Variants in ZNF618 observed in about 807,000 individuals in gnomAD.
ZNF618 encodes zinc finger protein 618.
ZNF618 carries 34 observed loss-of-function variants against 103.0 expected under a neutral mutation model. That is an observed-to-expected ratio of 0.33 (90% CI 0.25 to 0.44). The LOEUF is 0.44. Among genes scored for constraint, ZNF618 ranks in the 20% least tolerant of loss-of-function variants. The probability of loss-of-function intolerance (pLI) is 1.00; values close to 1 mark genes in which losing one functional copy is unlikely to be tolerated. For synonymous variants in ZNF618, 551 were observed against 542.2 expected, an observed-to-expected ratio of 1.02 and a Z score of -0.23; for missense variants, 1,059 against 1,295.4, an observed-to-expected ratio of 0.82 and a Z score of 2.80.
chr9:113,929,521 A>G (rs1240330395), intron 1 of ZNF618, among the ~76,000 whole-genome samples: 3 of 152,152 alleles, frequency 2.0e-5, no homozygotes, highest in Non-Finnish European at 2.9e-5. Context: ...ATGTTCTCCT[A>G]TTTCAAAACT....
intron 3 of ZNF618, among the ~76,000 whole-genome samples, chr9:113,997,821 G>T (rs936911423): frequency 6.6e-6 from 1 of 152,198 alleles, no homozygotes; most frequent in Non-Finnish European, 1.5e-5. Context: ...GGAGCCAGGC[G>T]TCGGGGCTGA....
chr9:113,985,553 T>C (rs1007641643), intron 2 of ZNF618, among the ~76,000 whole-genome samples: 3 of 152,234 alleles, frequency 2.0e-5, no homozygotes, highest in African/African-American at 7.2e-5. Flanking sequence ...GCTCATGATA[T>C]TATCCCCCAC....
chr9:114,009,717 G>A (rs950239353), intron 9 of ZNF618, among the ~76,000 whole-genome samples: 4 of 152,128 alleles, frequency 2.6e-5, no homozygotes, highest in Non-Finnish European at 5.9e-5. Flanking sequence ...ACAAGCAGAT[G>A]AGGATATCTG....
At chr9:114,012,023 A>T (rs934708269) in intron 9 of ZNF618, among the ~76,000 whole-genome samples, 10 of 127,088 alleles carry the variant, frequency 7.9e-5, no homozygotes, top group African/African-American at 2.5e-4. Context: ...TTGAATAGTT[A>T]AAAAAAAAAA....
At chr9:113,877,353 G>T (rs1587899354) in intron 1 of ZNF618, among the ~76,000 whole-genome samples, 1 of 152,242 alleles carries the variant, frequency 6.6e-6, no homozygotes, top group Non-Finnish European at 1.5e-5. Context: ...GCTTTATGAA[G>T]CAATTAGAAA....
chr9:113,988,301 C>A lies in ZNF618; in HGVS notation c.78-20C>A. 6.2e-7 allele frequency: 1 copy of A among 1,602,950 alleles called. No homozygotes were observed. The highest frequency in any genetic ancestry group is 8.5e-7 in the Non-Finnish European group (1 of 1,175,512). On this transcript the variant is annotated intron_variant, in intron 2 of 14. Coordinates refer to ENST00000374126, the MANE Select transcript of ZNF618 (RefSeq NM_001318042.2). The stretch of plus-strand genomic sequence containing the variant: ...TGATCTGGAGGAAGAAGGTATTGAA[C>A]GGAGTTTCTTCTTTCCCAGGGAGCG...
At chr9:113,930,438 G>C (rs1397381493) in intron 1 of ZNF618, among the ~76,000 whole-genome samples, 2 of 152,062 alleles carry the variant, frequency 1.3e-5, no homozygotes, top group Non-Finnish European at 2.9e-5. Context: ...AACTTCATAG[G>C]TTTAGGGGGC....
intron 10 of ZNF618, among the ~76,000 whole-genome samples, chr9:114,022,429 C>T (rs188758959): frequency 6.6e-6 from 1 of 151,982 alleles, no homozygotes; most frequent in Admixed American, 6.6e-5. Context: ...GAAATATATT[C>T]CATTTCCAAA....
At chr9:113,938,614 G>A (rs1283628549) in intron 1 of ZNF618, among the ~76,000 whole-genome samples, 1 of 148,406 alleles carries the variant, frequency 6.7e-6, no homozygotes, top group East Asian at 2.0e-4. Context: ...TATCGTCCAG[G>A]CTAGGGTGCA....
chr9:114,008,243 TA>T, intron 7 of ZNF618, 100 bp from the exon 8 acceptor site: 1 of 1,520,992 alleles, frequency 6.6e-7, no homozygotes, highest in Non-Finnish European at 8.9e-7. Context: ...CCCATGGGGA[TA>T]GGGGCTGGGA....
intron 1 of ZNF618, among the ~76,000 whole-genome samples, chr9:113,891,327 A>C (rs930989268): frequency 6.6e-6 from 1 of 152,262 alleles, no homozygotes; most frequent in Non-Finnish European, 1.5e-5. Flanking sequence ...CCATTAAAAA[A>C]TGGGCGAAGA....
intron 11 of ZNF618, among the ~76,000 whole-genome samples, chr9:114,030,195 G>A (rs180902019): frequency 1.9e-4 from 29 of 152,334 alleles, no homozygotes; most frequent in African/African-American, 7.0e-4. Context: ...GGGCAAGGGC[G>A]TGATTCTTCG....
intron 1 of ZNF618, among the ~76,000 whole-genome samples, chr9:113,923,728 T>C (rs571524772): frequency 8.1e-4 from 124 of 152,240 alleles, no homozygotes; most frequent in Non-Finnish European, 1.4e-3. Context: ...GAAGAGACAT[T>C]GGTCTGTAGT....
chr9:114,029,036 G>A, intron 11 of ZNF618, 64 bp downstream of exon 11: 1 of 1,508,358 alleles, frequency 6.6e-7, no homozygotes, highest in Non-Finnish European at 8.9e-7. Context: ...ACCTGCCACA[G>A]CTGTGCCTGG....
intron 3 of ZNF618, among the ~76,000 whole-genome samples, chr9:113,991,847 G>A (rs1047715992): frequency 1.3e-5 from 2 of 152,152 alleles, no homozygotes; most frequent in African/African-American, 4.8e-5. Flanking sequence ...TGAAAAAGAT[G>A]TAGAAGCCCC....
chr9:113,991,326 G>A (rs1396926909), intron 3 of ZNF618, among the ~76,000 whole-genome samples: 1 of 152,226 alleles, frequency 6.6e-6, no homozygotes, highest in Non-Finnish European at 1.5e-5. Flanking sequence ...GCCATCCAAG[G>A]CGGCAGTGGA....
chr9:113,961,999 C>T (rs1344823980), intron 1 of ZNF618, among the ~76,000 whole-genome samples: 1 of 152,208 alleles, frequency 6.6e-6, no homozygotes, highest in Non-Finnish European at 1.5e-5. Flanking sequence ...GGCCAAGCCA[C>T]TGGCGGTGGT....
chr9:113,910,016 C>T (rs557085212), intron 1 of ZNF618, among the ~76,000 whole-genome samples: 3 of 152,248 alleles, frequency 2.0e-5, no homozygotes, highest in African/African-American at 7.2e-5. Context: ...AACTCCTGAC[C>T]TCAGGATCTG....
At chr9:113,991,467 GCTAT>G (rs1223054862) in intron 3 of ZNF618, among the ~76,000 whole-genome samples, 1 of 152,180 alleles carries the variant, frequency 6.6e-6, no homozygotes, top group African/African-American at 2.4e-5. Flanking sequence ...AAATCATCAG[GCTAT>G]CTGAGTATTC....
Sources: allele counts gnomAD v4.1 joint callset (sites outside exome capture counted in the v4.1 genomes callset), GRCh38; gene constraint gnomAD v4.1.1; transcripts MANE v1.5; gene names NCBI Gene and HGNC (gene_info 2026-07-23, HGNC 2026-07-21).